Variants in FMN1 observed in about 807,000 individuals in gnomAD.
FMN1 encodes the protein formin-1.
FMN1 carries 110 observed loss-of-function variants against 132.4 expected under a neutral mutation model. The observed-to-expected ratio is 0.83, with a 90% confidence interval of 0.71 to 0.97. The LOEUF is 0.97. Ranked by LOEUF, FMN1 falls within the 50% of genes least tolerant of loss-of-function variation. The pLI, the probability that FMN1 is intolerant of heterozygous loss-of-function variation, is 0.00. For missense variants in FMN1, 1,792 were observed against 1,705.3 expected, an observed-to-expected ratio of 1.05 and a Z score of -0.90; for synonymous variants, 722 against 651.7, an observed-to-expected ratio of 1.11 and a Z score of -1.64.
At chr15:33,044,447 CGAAGCCCATA>C (rs1465320729) in intron 6 of FMN1, among the ~76,000 whole-genome samples, 4 of 152,098 alleles carry the variant, frequency 2.6e-5, no homozygotes, top group African/African-American at 9.7e-5. Context: ...TCCTCTCCTC[CGAAGCCCATA>C]AAATCCCAGA....
At chr15:32,970,477 T>C (rs1270479258) in intron 7 of FMN1, among the ~76,000 whole-genome samples, 1 of 152,168 alleles carries the variant, frequency 6.6e-6, no homozygotes, top group Non-Finnish European at 1.5e-5. Flanking sequence ...GCCCAGGAAG[T>C]ACATACCTCA....
chr15:33,156,140 A>G (rs931033253), intron 3 of FMN1, among the ~76,000 whole-genome samples: 1 of 152,206 alleles, frequency 6.6e-6, no homozygotes, highest in Non-Finnish European at 1.5e-5. Flanking sequence ...TGGTAAAAGT[A>G]ACTCCTTGAG....
chr15:32,917,451 C>T lies in FMN1; in HGVS notation c.3227-6916G>A, dbSNP rs572158921. Among the ~76,000 whole-genome samples, 4 of 152,334 alleles carry T rather than the reference C, an allele frequency of 2.6e-5. No homozygotes were observed. The East Asian group carries it at 7.7e-4, about 29-fold the overall frequency. On this transcript the variant is annotated intron_variant, in intron 10 of 20. Transcript: ENST00000616417. Reference sequence around the variant, plus strand: ...CTTAAAAGAATCTCTGTCCACTCCACCACAGGGTGAGGACAGCAGGCAGAC... The same window carrying T: ...CTTAAAAGAATCTCTGTCCACTCCATCACAGGGTGAGGACAGCAGGCAGAC...
intron 7 of FMN1, among the ~76,000 whole-genome samples, chr15:33,007,410 G>A (rs2034477667): frequency 1.3e-5 from 2 of 152,096 alleles, no homozygotes; most frequent in Admixed American, 1.3e-4. Context: ...TTCTGCCACA[G>A]GCACTACAAG....
At chr15:33,085,320 T>C (rs921377363) in intron 5 of FMN1, among the ~76,000 whole-genome samples, 5 of 152,000 alleles carry the variant, frequency 3.3e-5, no homozygotes, top group East Asian at 1.9e-4. Context: ...TTTAAACATA[T>C]AGGAGTCAAA....
chr15:32,902,519 C>T (rs756098669), intron 12 of FMN1, among the ~76,000 whole-genome samples: 2 of 152,186 alleles, frequency 1.3e-5, no homozygotes, highest in South Asian at 4.1e-4. Context: ...AGTGATATTG[C>T]TACTATTTTT....
chr15:33,066,664 G>C, intron 5 of FMN1: 1 of 1,613,758 alleles, frequency 6.2e-7, no homozygotes, highest in Non-Finnish European at 8.5e-7. Flanking sequence ...GGATGAATAG[G>C]GCTTTAAAAG....
intron 5 of FMN1, among the ~76,000 whole-genome samples, chr15:33,066,064 T>A (rs561437256): frequency 3.3e-5 from 5 of 152,328 alleles, no homozygotes; most frequent in African/African-American, 1.2e-4. Context: ...CCAACCAATG[T>A]GGAACACTCT....
chr15:32,787,774 TC>T (rs1194296097), intron 19 of FMN1, among the ~76,000 whole-genome samples: 1 of 152,064 alleles, frequency 6.6e-6, no homozygotes, highest in African/African-American at 2.4e-5. Context: ...GATCACTTGA[TC>T]CCAGGAATTG....
In FMN1 at chr15:33,163,484, G is replaced by A. The variant is rs561698266; in HGVS notation, c.-131-8439C>T. ...TAATTTTGTATTTTTAGTAGAGAGGGGGTTTCTCCATGTTGGTCAGGCTAG... is the reference window on the plus strand; with the variant it reads ...TAATTTTGTATTTTTAGTAGAGAGGAGGTTTCTCCATGTTGGTCAGGCTAG... On this transcript the variant is annotated intron_variant, in intron 3 of 20. Coordinates refer to ENST00000616417, the MANE Select transcript of FMN1 (RefSeq NM_001277313.2). Among the ~76,000 whole-genome samples the A allele has an allele frequency of 2.0e-5, 3 of 151,652 alleles. No homozygotes were observed. The South Asian group carries it at 6.3e-4, about 32-fold the overall frequency.
At chr15:32,884,400 T>C (rs966946439) in intron 16 of FMN1, among the ~76,000 whole-genome samples, 2 of 152,172 alleles carry the variant, frequency 1.3e-5, no homozygotes, top group African/African-American at 4.8e-5. Flanking sequence ...TCTTACGTCG[T>C]TATATCTCCC....
intron 8 of FMN1, 52 bp from the exon 9 acceptor site, chr15:32,964,309 G>A (rs2030968517): frequency 1.6e-6 from 2 of 1,250,192 alleles, no homozygotes; most frequent in Non-Finnish European, 1.1e-6. Context: ...AGGAAGGAAT[G>A]TAATACAATG....
intron 7 of FMN1, among the ~76,000 whole-genome samples, chr15:32,999,287 A>C (rs919656891): frequency 6.6e-6 from 1 of 152,248 alleles, no homozygotes; most frequent in Non-Finnish European, 1.5e-5. Flanking sequence ...GAATACAAAA[A>C]AATGGAACAG....
intron 17 of FMN1, among the ~76,000 whole-genome samples, chr15:32,804,755 G>T (rs1187739131): frequency 7.0e-6 from 1 of 143,306 alleles, no homozygotes; most frequent in Non-Finnish European, 1.5e-5. Context: ...GTGAGAACAT[G>T]CAGTGTTTGG....
At chr15:33,051,676 A>AG (rs2036980718) in intron 6 of FMN1, among the ~76,000 whole-genome samples, 1 of 152,192 alleles carries the variant, frequency 6.6e-6, no homozygotes, top group Admixed American at 6.5e-5. Flanking sequence ...ACCTTCCTCT[A>AG]GAAACGCTTG....
At chr15:33,181,961 C>T (rs557827860) in intron 2 of FMN1, among the ~76,000 whole-genome samples, 3 of 152,108 alleles carry the variant, frequency 2.0e-5, no homozygotes, top group South Asian at 4.2e-4. Flanking sequence ...CTACCTGCCT[C>T]GGCCTCCCAA....
intron 3 of FMN1, among the ~76,000 whole-genome samples, chr15:33,165,471 A>G (rs1391738931): frequency 2.0e-5 from 3 of 152,100 alleles, no homozygotes; most frequent in African/African-American, 4.8e-5. Flanking sequence ...GCTCACTGCA[A>G]GCTCCGCCTC....
intron 6 of FMN1, among the ~76,000 whole-genome samples, chr15:33,028,690 T>C (rs1432688773): frequency 6.6e-6 from 1 of 152,084 alleles, no homozygotes; most frequent in African/African-American, 2.4e-5. Context: ...AAATGTTCGG[T>C]TTCATCTGGT....
At chr15:32,866,486 A>G (rs1186573655) in intron 16 of FMN1, among the ~76,000 whole-genome samples, 1 of 152,250 alleles carries the variant, frequency 6.6e-6, no homozygotes, top group Non-Finnish European at 1.5e-5. Flanking sequence ...GGCTGGCTAG[A>G]TAACATACTG....
Sources: allele counts gnomAD v4.1 joint callset (sites outside exome capture counted in the v4.1 genomes callset), GRCh38; gene constraint gnomAD v4.1.1; transcripts MANE v1.5; gene names NCBI Gene and HGNC (gene_info 2026-07-23, HGNC 2026-07-21).